The following BRINP1 variants were observed in gnomAD, a reference collection of about 807,000 sequenced individuals.
BRINP1 encodes BMP/retinoic acid inducible neural specific 1, also known as BMP/retinoic acid-inducible neural-specific protein 1.
In BRINP1, 17 loss-of-function variants were observed where a neutral mutation model predicts 72.9. That is an observed-to-expected ratio of 0.23 (90% CI 0.16 to 0.35). The LOEUF (loss-of-function observed/expected upper bound fraction) is 0.35, where lower values mean the gene tolerates loss of function less well. BRINP1 is among the 10% of genes least tolerant of loss of function. The probability of loss-of-function intolerance (pLI) is 1.00; values close to 1 mark genes in which losing one functional copy is unlikely to be tolerated. For synonymous variants in BRINP1, 418 were observed against 378.5 expected (o/e 1.10, Z -1.21); for missense variants, 850 against 1,001.6 (o/e 0.85, Z 2.04).
chr9:119,175,107 TAA>T (rs969328855), intron 7 of BRINP1, among the ~76,000 whole-genome samples: 1 of 52,060 alleles, frequency 1.9e-5, no homozygotes, highest in South Asian at 6.7e-4. Context: ...CCCTAAAACT[TAA>T]AGTAAAGTAT....
intron 1 of BRINP1, among the ~76,000 whole-genome samples, chr9:119,334,666 C>T (rs1236543104): frequency 1.3e-5 from 2 of 151,534 alleles, no homozygotes; most frequent in African/African-American, 4.9e-5. Context: ...ACCTGTGCAA[C>T]GAGGAAGGTA....
At chr9:119,198,474 G>A (rs1024867414) in intron 7 of BRINP1, among the ~76,000 whole-genome samples, 1 of 152,158 alleles carries the variant, frequency 6.6e-6, no homozygotes, top group Non-Finnish European at 1.5e-5. Context: ...ACTTTGGTCT[G>A]TCAGACTAGA....
chr9:119,174,410 C>G (rs2118827541), intron 7 of BRINP1, among the ~76,000 whole-genome samples: 1 of 150,066 alleles, frequency 6.7e-6, no homozygotes, highest in Non-Finnish European at 1.5e-5. Flanking sequence ...ATCAAAACCA[C>G]AATGAGATAC....
At chr9:119,228,060 G>A (rs967423025) in intron 5 of BRINP1, among the ~76,000 whole-genome samples, 1 of 152,000 alleles carries the variant, frequency 6.6e-6, no homozygotes, top group African/African-American at 2.4e-5. Flanking sequence ...TCTAGCTACT[G>A]AGAAATGGGA....
intron 2 of BRINP1, among the ~76,000 whole-genome samples, chr9:119,303,594 G>A (rs1319712632): frequency 2.6e-5 from 4 of 152,246 alleles, no homozygotes; most frequent in Middle Eastern, 6.8e-3. Context: ...ATGGTGGCAC[G>A]TGTTCCTCAG....
intron 7 of BRINP1, among the ~76,000 whole-genome samples, chr9:119,205,914 C>T (rs941528640): frequency 1.3e-5 from 2 of 152,110 alleles, no homozygotes; most frequent in Non-Finnish European, 2.9e-5. Context: ...GGATGCACAG[C>T]TTTTTCACCT....
At chr9:119,322,346 G>A (rs373943140) in intron 1 of BRINP1, among the ~76,000 whole-genome samples, 20 of 152,332 alleles carry the variant, frequency 1.3e-4, no homozygotes, top group South Asian at 2.1e-4. Context: ...TGGCTGTGGC[G>A]TGGTGAGCAC....
rs750755075 is a variant in BRINP1 at position 119,238,764 on chromosome 9, C to A, written c.580-4G>T. 1 of 1,561,890 alleles carries A rather than the reference C, an allele frequency of 6.4e-7. No individual in the cohort carries two copies. The highest frequency in any genetic ancestry group is 1.7e-5 in the Admixed American group (1 of 57,782). ...GCCCAGTGCGTGTCTCTGTGACCTG[C>A]AGTAGATATCAAATAAGATAGGTGT... On this transcript the variant is annotated splice_region_variant and splice_polypyrimidine_tract_variant and intron_variant, in intron 4 of 7. Transcript: ENST00000265922.
At chr9:119,228,947 T>C (rs1162459126) in intron 5 of BRINP1, among the ~76,000 whole-genome samples, 1 of 152,092 alleles carries the variant, frequency 6.6e-6, no homozygotes, top group African/African-American at 2.4e-5. Context: ...TAAAGATCCA[T>C]TGAGAAAAAT....
At chr9:119,257,396 C>A (rs571989677) in intron 2 of BRINP1, among the ~76,000 whole-genome samples, 88 of 152,292 alleles carry the variant, frequency 5.8e-4, no homozygotes, top group Non-Finnish European at 1.1e-3. Flanking sequence ...GAGGGGCAAA[C>A]ATATTACAGT....
rs1830205882 is a variant in BRINP1, at chr9:119,237,684, CAG to C, written c.685+969_685+970del. Among the ~76,000 whole-genome samples the C allele has an allele frequency of 3.4e-5, 5 of 148,752 alleles. No homozygotes were observed. In the South Asian group the frequency reaches 1.1e-3, roughly 32 times the overall value. On this transcript the variant is annotated intron_variant, in intron 5 of 7. Coordinates refer to ENST00000265922, the MANE Select transcript of BRINP1 (RefSeq NM_014618.3). Reference sequence around the variant, plus strand: ...GCCATTATTATTATTAGTACTGAGACAGAGTCTTGCTCTGTCGCCTAGGCTGG... The same window carrying C: ...GCCATTATTATTATTAGTACTGAGACAGTCTTGCTCTGTCGCCTAGGCTGG...
intron 1 of BRINP1, among the ~76,000 whole-genome samples, chr9:119,342,552 C>T (rs1831415810): frequency 6.6e-6 from 1 of 152,192 alleles, no homozygotes; most frequent in South Asian, 2.1e-4. Context: ...TGACTATTAC[C>T]TCATCTGCCT....
intron 7 of BRINP1, among the ~76,000 whole-genome samples, chr9:119,178,903 G>A (rs867580222): frequency 1.3e-5 from 2 of 152,126 alleles, no homozygotes; most frequent in African/African-American, 4.8e-5. Context: ...TTGAAATAAC[G>A]GAAAAATACT....
intron 5 of BRINP1, among the ~76,000 whole-genome samples, chr9:119,216,273 C>G (rs193245597): frequency 6.6e-6 from 1 of 152,266 alleles, no homozygotes; most frequent in African/African-American, 2.4e-5. Flanking sequence ...GCATTGGTGA[C>G]AGGGCTGTTG....
intron 7 of BRINP1, among the ~76,000 whole-genome samples, chr9:119,208,000 A>C (rs1213468774): frequency 6.6e-6 from 1 of 152,156 alleles, no homozygotes; most frequent in Non-Finnish European, 1.5e-5. Flanking sequence ...TAGAGTCCAA[A>C]AAACCTGGAT....
chr9:119,173,395 G>A (rs1321953160), intron 7 of BRINP1, among the ~76,000 whole-genome samples: 1 of 146,322 alleles, frequency 6.8e-6, no homozygotes, highest in Non-Finnish European at 1.5e-5. Flanking sequence ...GCTTCAAAGA[G>A]AATAAAATAC....
intron 2 of BRINP1, among the ~76,000 whole-genome samples, chr9:119,249,818 G>GGAAC (rs1830359386): frequency 2.3e-5 from 1 of 42,720 alleles, no homozygotes; most frequent in African/African-American, 1.0e-4. Context: ...AAGGAAGGAA[G>GGAAC]GAAGGAAGGA....
chr9:119,312,377 A>G (rs1168117722), intron 2 of BRINP1, among the ~76,000 whole-genome samples: 1 of 152,200 alleles, frequency 6.6e-6, no homozygotes, highest in African/African-American at 2.4e-5. Context: ...TCATTCCCTC[A>G]AAGAGTTTCC....
chr9:119,183,018 A>C (rs1031067736), intron 7 of BRINP1, among the ~76,000 whole-genome samples: 1 of 152,266 alleles, frequency 6.6e-6, no homozygotes, highest in Non-Finnish European at 1.5e-5. Context: ...GAAGGTAAGC[A>C]CTAAGTCATC....
Sources: allele counts gnomAD v4.1 joint callset (sites outside exome capture counted in the v4.1 genomes callset), GRCh38; gene constraint gnomAD v4.1.1; transcripts MANE v1.5; gene names NCBI Gene and HGNC (gene_info 2026-07-23, HGNC 2026-07-21).